The following PDE7A variants were observed in gnomAD, a reference collection of about 807,000 sequenced individuals.
PDE7A encodes the protein phosphodiesterase 7A, also known as high affinity 3',5'-cyclic-AMP phosphodiesterase 7A.
PDE7A carries 39 observed loss-of-function variants against 64.3 expected under a neutral mutation model. The ratio of observed to expected loss-of-function variants is 0.61; its 90% CI spans 0.47 to 0.79. The LOEUF is 0.79. Among genes scored for constraint, PDE7A ranks in the 30% least tolerant of loss-of-function variants. The pLI, the probability that PDE7A is intolerant of heterozygous loss-of-function variation, is 0.00. For missense variants in PDE7A, 470 were observed against 582.8 expected, an observed-to-expected ratio of 0.81 and a Z score of 1.99; for synonymous variants, 203 against 206.8, an observed-to-expected ratio of 0.98 and a Z score of 0.16.
intron 1 of PDE7A, among the ~76,000 whole-genome samples, chr8:65,805,492 T>A (rs57416148): frequency 0.022 from 3,293 of 152,320 alleles, 57 homozygotes; most frequent in African/African-American, 0.048. Flanking sequence ...TAATCTACCA[T>A]GTTGACTTCT....
chr8:65,802,812 G>C (rs547976329), intron 1 of PDE7A, among the ~76,000 whole-genome samples: 1 of 152,292 alleles, frequency 6.6e-6, no homozygotes, highest in African/African-American at 2.4e-5. Flanking sequence ...CCCAATGTTG[G>C]AAGTGCAGCC....
chr8:65,738,162 C>A (rs536213573), intron 6 of PDE7A, among the ~76,000 whole-genome samples: 1 of 151,372 alleles, frequency 6.6e-6, no homozygotes. Flanking sequence ...TAAAAAAAAA[C>A]GATGTATACA....
chr8:65,746,447 C>T (rs997355815), intron 4 of PDE7A, among the ~76,000 whole-genome samples: 2 of 151,978 alleles, frequency 1.3e-5, no homozygotes, highest in African/African-American at 4.8e-5. Context: ...TTTATATTAT[C>T]TAAATATGCT....
intron 11 of PDE7A, 109 bp downstream of exon 11, chr8:65,724,146 G>A (rs1159241167): frequency 2.8e-5 from 18 of 637,094 alleles, no homozygotes; most frequent in Admixed American, 1.3e-4. Flanking sequence ...TACTAAAAAT[G>A]TCAAGACTCT....
At position 65,782,855 on chromosome 8, in the gene PDE7A, A is replaced by G; in HGVS notation, c.139-12T>C. On this transcript the variant is annotated splice_polypyrimidine_tract_variant and intron_variant, in intron 1 of 12. Transcript: ENST00000401827. ...ATAGCTCCACGCCTCTAGAAAAAAA[A>G]ATACACATTATAATACATGACAATT... 2.0e-6 allele frequency: 3 copies of G among 1,490,546 alleles called. No homozygotes were observed. The highest frequency in any genetic ancestry group is 2.3e-5 in the South Asian group (2 of 86,810). 92.3% of individuals were successfully genotyped at this position (1,490,546 alleles called of 1,614,324 possible).
chr8:65,770,096 T>C (rs114783942), intron 3 of PDE7A, among the ~76,000 whole-genome samples: 88 of 151,798 alleles, frequency 5.8e-4, no homozygotes, highest in African/African-American at 2.0e-3. Flanking sequence ...TTGTTAACAT[T>C]TGTCTTATTA....
At position 65,748,730 on chromosome 8, in the gene PDE7A, T is replaced by C. The variant is rs555039382; in HGVS notation, c.284-927A>G. Among the ~76,000 whole-genome samples, 17 of 152,322 alleles carry C rather than the reference T, an allele frequency of 1.1e-4. No individual in the cohort carries two copies. The East Asian group carries it at 3.3e-3, about 29-fold the overall frequency. On this transcript the variant is annotated intron_variant, in intron 3 of 12. Coordinates refer to ENST00000401827, the MANE Select transcript of PDE7A (RefSeq NM_001242318.3). ...GCATATCCAGTCACTCACTCCTCTA[T>C]TAACCTCTAGCCCTGTGTTTCCTTA...
chr8:65,760,058 G>A (rs1052641103), intron 3 of PDE7A, among the ~76,000 whole-genome samples: 3 of 152,008 alleles, frequency 2.0e-5, no homozygotes, highest in Non-Finnish European at 4.4e-5. Context: ...TGGCTAATAT[G>A]GTGAAACCCC....
intron 3 of PDE7A, among the ~76,000 whole-genome samples, chr8:65,750,486 G>C (rs1807885714): frequency 7.3e-6 from 1 of 136,078 alleles, no homozygotes; most frequent in Non-Finnish European, 1.5e-5. Flanking sequence ...GTGTGTGTGT[G>C]TGTGTGTGTG....
At chr8:65,802,529 G>A (rs540830299) in intron 1 of PDE7A, among the ~76,000 whole-genome samples, 2 of 152,170 alleles carry the variant, frequency 1.3e-5, no homozygotes, top group East Asian at 3.9e-4. Flanking sequence ...TCCTAACTAC[G>A]GAGTCTTCAT....
intron 1 of PDE7A, among the ~76,000 whole-genome samples, chr8:65,815,070 G>C (rs893157110): frequency 6.8e-6 from 1 of 146,808 alleles, no homozygotes; most frequent in African/African-American, 2.6e-5. Context: ...GACAGAGTGA[G>C]ACTCCATCTC....
Position 65,770,119 on chromosome 8 carries a change from TTC to T in PDE7A, c.283+9599_283+9600del, listed in dbSNP as rs1164434335. Among the ~76,000 whole-genome samples, 3 of 120,624 alleles carry T rather than the reference TTC, an allele frequency of 2.5e-5. No homozygotes were observed. In the East Asian group the frequency reaches 8.0e-4, roughly 32 times the overall value. The allele number at this position is 120,624 out of a possible 152,430, so 79.1% of individuals were successfully genotyped here. A position where few individuals can be genotyped will look rare whatever the true frequency, so the allele number is the denominator to read the frequency against. On this transcript the variant is annotated intron_variant, in intron 3 of 12. Coordinates refer to ENST00000401827, the MANE Select transcript of PDE7A (RefSeq NM_001242318.3). Reference sequence around the variant, plus strand: ...ATTTGTCTTATTACTTGCAGTATACTTCTGTGTGTGTGTGTGTGTGTGTGTGT... The same window carrying T: ...ATTTGTCTTATTACTTGCAGTATACTTGTGTGTGTGTGTGTGTGTGTGTGT...
rs1286998830 is a variant in PDE7A, at chr8:65,721,559, C to T, written c.1243+1982G>A. Among the ~76,000 whole-genome samples, 6 of 152,122 alleles carry T rather than the reference C, an allele frequency of 3.9e-5. No individual in the cohort carries two copies. The East Asian group carries it at 1.2e-3, about 29-fold the overall frequency. ...CAACAATCACCATCAGATCAGTGAC[C>T]TTATCCCTGACAACCCATTCTAGAT... is the stretch of plus-strand genomic sequence containing the variant. On this transcript the variant is annotated intron_variant, in intron 12 of 12. Coordinates refer to ENST00000401827, the MANE Select transcript of PDE7A (RefSeq NM_001242318.3).
At chr8:65,811,624 C>A (rs1810261713) in intron 1 of PDE7A, among the ~76,000 whole-genome samples, 1 of 152,252 alleles carries the variant, frequency 6.6e-6, no homozygotes, top group African/African-American at 2.4e-5. Context: ...AGGCACTGCT[C>A]TAGGCACTTT....
chr8:65,716,222 TTTA>T lies in PDE7A; in HGVS notation c.*3065_*3067del, dbSNP rs1806140366. On this transcript the variant is annotated 3_prime_UTR_variant, in exon 13 of 13. Transcript: ENST00000401827. ...CATAATAAAACAACTTTTCAATGGG[TTTA>T]TTATATGTGTAGGCAGGAAATGGGA... 6.6e-6 allele frequency among the ~76,000 whole-genome samples: 1 copy of T among 150,830 alleles called. No homozygotes were observed. The highest frequency in any genetic ancestry group is 1.9e-4 in the East Asian group (1 of 5,148).
rs564161222 is a variant in PDE7A at position 65,734,884 on chromosome 8, T to C, written c.606A>G (p.Gln202=). The change falls in exon 7 of 13, where the codon CAA becomes CAG. Residue 202 remains glutamine (Q), a synonymous_variant. Coordinates refer to ENST00000401827, the MANE Select transcript of PDE7A (RefSeq NM_001242318.3). Reference sequence around the variant, plus strand: ...AAGGATTTTGACTGTGGTAATCTTCTTGAATCATAACTGCATCAAAGAAAG... The same window carrying C: ...AAGGATTTTGACTGTGGTAATCTTCCTGAATCATAACTGCATCAAAGAAAG... ...MKLRRFLVMI[Q]EDYHSQNPYH... 14 of 1,604,868 alleles carry C rather than the reference T, an allele frequency of 8.7e-6. 1 individual carries two copies. The Admixed American group carries it at 1.5e-4, about 17-fold the overall frequency.
intron 1 of PDE7A, among the ~76,000 whole-genome samples, chr8:65,802,550 T>C (rs1292952073): frequency 2.0e-5 from 3 of 152,158 alleles, no homozygotes; most frequent in Non-Finnish European, 2.9e-5. Flanking sequence ...ACAAGTTATA[T>C]TCTAAACCTC....
intron 7 of PDE7A, among the ~76,000 whole-genome samples, chr8:65,729,712 A>ACCAC (rs1203728217): frequency 6.8e-6 from 1 of 146,994 alleles, no homozygotes; most frequent in Non-Finnish European, 1.5e-5. Flanking sequence ...ATAGGCGCCT[A>ACCAC]CCACCATGCC....
intron 1 of PDE7A, among the ~76,000 whole-genome samples, chr8:65,814,087 G>A (rs1585939295): frequency 6.6e-6 from 1 of 151,860 alleles, no homozygotes; most frequent in East Asian, 1.9e-4. Context: ...GAAGACCTTG[G>A]CTTACATAAC....
Sources: gnomAD v4.1 joint callset for allele counts (sites outside exome capture counted in the v4.1 genomes callset) on GRCh38, gnomAD v4.1.1 for gene constraint, MANE v1.5 for transcripts, NCBI Gene and HGNC (gene_info 2026-07-23, HGNC 2026-07-21) for gene names.